The following MRTFA variants were observed in gnomAD, a reference collection of about 807,000 sequenced individuals.
The protein encoded by MRTFA is myocardin related transcription factor A, also known as myocardin-related transcription factor A.
In MRTFA, 20 loss-of-function variants were observed where a neutral mutation model predicts 83.5. The observed-to-expected ratio is 0.24, with a 90% CI of 0.17 to 0.35. The LOEUF is 0.35. MRTFA is among the 10% of genes least tolerant of loss of function. The pLI is 1.00. For synonymous variants in MRTFA, 659 were observed against 541.2 expected (o/e 1.22, Z -3.02); for missense variants, 1,200 against 1,224.7 (o/e 0.98, Z 0.30).
intron 1 of MRTFA, among the ~76,000 whole-genome samples, chr22:40,611,829 C>A (rs955957449): frequency 3.3e-5 from 5 of 152,090 alleles, no homozygotes; most frequent in Non-Finnish European, 5.9e-5. Context: ...GACCAAGAAG[C>A]AATTTGGTTC....
rs1788237573 is a variant in MRTFA at position 40,469,324 on chromosome 22, C to A, written c.242-6038G>T. On this transcript the variant is annotated intron_variant, in intron 3 of 14. Coordinates refer to ENST00000355630, the MANE Select transcript of MRTFA (RefSeq NM_020831.6). ...GCCCTCCCCGCAAGTAATGAGTTCT[C>A]ACTCTTTTAGCTCATGTGCATGCTG... 1.3e-5 allele frequency among the ~76,000 whole-genome samples: 2 copies of A among 152,162 alleles called. 1 individual carries two copies. The highest frequency in any genetic ancestry group is 2.9e-5 in the Non-Finnish European group (2 of 68,028).
intron 4 of MRTFA, among the ~76,000 whole-genome samples, chr22:40,452,856 A>C (rs184347341): frequency 6.6e-6 from 1 of 152,056 alleles, no homozygotes; most frequent in East Asian, 1.9e-4. Context: ...TGGCCTATTC[A>C]ACACAGCTCA....
chr22:40,527,502 A>G (rs770613022), intron 3 of MRTFA, among the ~76,000 whole-genome samples: 9 of 151,992 alleles, frequency 5.9e-5, no homozygotes, highest in Admixed American at 2.6e-4. Flanking sequence ...TCACGTCTGT[A>G]ATCCCAGCAC....
intron 4 of MRTFA, among the ~76,000 whole-genome samples, chr22:40,457,454 G>GAAAGAAAGAA (rs2053609246): frequency 7.1e-6 from 1 of 141,202 alleles, no homozygotes; most frequent in African/African-American, 2.9e-5. Context: ...AAGAAAGAAA[G>GAAAGAAAGAA]AAAGAAAGAA....
chr22:40,553,962 T>C (rs551851641), intron 2 of MRTFA, among the ~76,000 whole-genome samples: 4 of 152,318 alleles, frequency 2.6e-5, no homozygotes, highest in East Asian at 1.9e-4. Flanking sequence ...ATGTGAGACA[T>C]GGAATCAAAG....
intron 3 of MRTFA, among the ~76,000 whole-genome samples, chr22:40,476,038 G>A (rs2053989795): frequency 6.6e-6 from 1 of 151,972 alleles, no homozygotes; most frequent in Admixed American, 6.6e-5. Context: ...CAGCTACTCG[G>A]GAGGCTGAGG....
At chr22:40,543,795 G>C (rs376901463) in intron 3 of MRTFA, among the ~76,000 whole-genome samples, 11 of 152,282 alleles carry the variant, frequency 7.2e-5, no homozygotes, top group African/African-American at 2.6e-4. Flanking sequence ...TTCTTCCTAA[G>C]TTGGTTCATA....
At chr22:40,582,654 T>C (rs574150506) in intron 2 of MRTFA, among the ~76,000 whole-genome samples, 21 of 146,304 alleles carry the variant, frequency 1.4e-4, no homozygotes, top group Admixed American at 4.7e-4. Context: ...GGTTTTAACT[T>C]TATACACACA....
intron 2 of MRTFA, among the ~76,000 whole-genome samples, chr22:40,594,231 G>T (rs1487489665): frequency 2.0e-5 from 3 of 152,180 alleles, no homozygotes; most frequent in Non-Finnish European, 4.4e-5. Flanking sequence ...CAGGTCCTTT[G>T]TTGCATTTAG....
chr22:40,502,034 A>AC lies in MRTFA; in HGVS notation c.242-38749dup, dbSNP rs1353895489. On this transcript the variant is annotated intron_variant, in intron 3 of 14. Transcript: ENST00000355630. ...GGGCAGCTGGCCAGGCGGGGGGCTG[A>AC]CCCCCCCACCTCCCTCCCGGACGGG... Among the ~76,000 whole-genome samples, 64 of 107,582 alleles carry AC rather than the reference A, an allele frequency of 5.9e-4. 1 individual carries two copies. The highest frequency in any genetic ancestry group is 8.3e-4 in the Non-Finnish European group (44 of 52,734). 70.6% of individuals were successfully genotyped at this position (107,582 alleles called of 152,430 possible).
At chr22:40,603,963 A>T (rs765492187) in intron 1 of MRTFA, among the ~76,000 whole-genome samples, 54 of 152,004 alleles carry the variant, frequency 3.6e-4, no homozygotes, top group South Asian at 2.9e-3. Context: ...GGTTCATTGC[A>T]TTATTCTCCT....
intron 2 of MRTFA, among the ~76,000 whole-genome samples, chr22:40,577,935 G>A (rs1161972401): frequency 2.0e-5 from 3 of 149,892 alleles, no homozygotes; most frequent in African/African-American, 7.4e-5. Flanking sequence ...CCACTGTCTG[G>A]TAAGACTCCT....
chr22:40,411,288 C>A lies in MRTFA; in HGVS notation c.*102G>T. The A allele has an allele frequency of 1.6e-6, 2 of 1,272,588 alleles. No homozygotes were observed. The highest frequency in any genetic ancestry group is 2.4e-5 in the East Asian group (1 of 41,974). The allele number at this position is 1,272,588 out of a possible 1,614,324, so 78.8% of individuals were successfully genotyped here. On this transcript the variant is annotated 3_prime_UTR_variant, in exon 15 of 15. Transcript: ENST00000355630. ...GGGAAAAAGCAGGGGCTGTGATTGT[C>A]AAGACTCACAACCATGTGGAGAGGC... is the stretch of plus-strand genomic sequence containing the variant.
intron 1 of MRTFA, among the ~76,000 whole-genome samples, chr22:40,617,202 G>A (rs2056461854): frequency 8.2e-6 from 1 of 121,588 alleles, no homozygotes; most frequent in Non-Finnish European, 1.7e-5. Context: ...GGGAGGGAGG[G>A]AGGGAGGGAG....
chr22:40,635,354 G>A (rs1050784114), intron 1 of MRTFA, among the ~76,000 whole-genome samples: 4 of 151,622 alleles, frequency 2.6e-5, no homozygotes, highest in African/African-American at 9.7e-5. Context: ...AAGTCTTAAC[G>A]TTACAGGCTT....
chr22:40,629,075 G>C (rs5995884), intron 1 of MRTFA, among the ~76,000 whole-genome samples: 2,916 of 151,728 alleles, frequency 0.019, 77 homozygotes, highest in Middle Eastern at 0.11. Flanking sequence ...GGATTGCTGT[G>C]GCCAGGAATT....
At chr22:40,462,034 G>A (rs570582750) in intron 4 of MRTFA, among the ~76,000 whole-genome samples, 1 of 152,290 alleles carries the variant, frequency 6.6e-6, no homozygotes, top group South Asian at 2.1e-4. Flanking sequence ...TGAATGGCCA[G>A]CTTCATCTGA....
intron 2 of MRTFA, among the ~76,000 whole-genome samples, chr22:40,589,702 T>C (rs558090115): frequency 6.6e-6 from 1 of 152,332 alleles, no homozygotes; most frequent in South Asian, 2.1e-4. Flanking sequence ...CCAAGGCTCT[T>C]AAGCAACTGT....
intron 3 of MRTFA, among the ~76,000 whole-genome samples, chr22:40,541,971 G>C (rs772862643): frequency 6.6e-6 from 1 of 151,934 alleles, no homozygotes; most frequent in African/African-American, 2.4e-5. Flanking sequence ...CAGCCTAGGT[G>C]ATGGCTATAT....
Sources: gnomAD v4.1 joint callset for allele counts (sites outside exome capture counted in the v4.1 genomes callset) on GRCh38, gnomAD v4.1.1 for gene constraint, MANE v1.5 for transcripts, NCBI Gene and HGNC (gene_info 2026-07-23, HGNC 2026-07-21) for gene names.